Variants in NIPAL2 observed in about 807,000 individuals in gnomAD.
NIPAL2 encodes the protein NIPA like domain containing 2.
Under a neutral mutation model 48.9 loss-of-function variants are expected in NIPAL2, and 43 were observed. The ratio of observed to expected loss-of-function variants is 0.88; its 90% confidence interval spans 0.69 to 1.13. The LOEUF is 1.13. Ranked by LOEUF, NIPAL2 falls within the 50% of genes most tolerant of loss-of-function variation. The pLI is 0.00. For synonymous variants in NIPAL2, 167 were observed against 174.6 expected, an observed-to-expected ratio of 0.96 and a Z score of 0.34; for missense variants, 446 against 461.4, an observed-to-expected ratio of 0.97 and a Z score of 0.31.
At chr8:98,267,098 A>G (rs1814820477) in intron 1 of NIPAL2, among the ~76,000 whole-genome samples, 1 of 152,160 alleles carries the variant, frequency 6.6e-6, no homozygotes, top group Non-Finnish European at 1.5e-5. Flanking sequence ...TTATTGCAAC[A>G]TTCATTTTGT....
At chr8:98,232,460 G>A (rs1812483435) in intron 4 of NIPAL2, among the ~76,000 whole-genome samples, 1 of 152,186 alleles carries the variant, frequency 6.6e-6, no homozygotes, top group Admixed American at 6.5e-5. Context: ...GTAGAGTACA[G>A]TGGTGGGTGA....
At chr8:98,265,725 G>T (rs1028312349) in intron 1 of NIPAL2, among the ~76,000 whole-genome samples, 5 of 133,538 alleles carry the variant, frequency 3.7e-5, no homozygotes, top group African/African-American at 1.1e-4. Flanking sequence ...TCAGTGTGGC[G>T]ATTCCTCAGG....
At chr8:98,222,680 C>T (rs1230840260) in intron 4 of NIPAL2, 80 bp from the exon 5 acceptor site, 38 of 1,408,996 alleles carry the variant, frequency 2.7e-5, no homozygotes, top group Admixed American at 1.9e-4. Context: ...CTAGAGACTG[C>T]GCATTACTTG....
chr8:98,287,353 A>G (rs1168685660), intron 1 of NIPAL2, among the ~76,000 whole-genome samples: 2 of 152,224 alleles, frequency 1.3e-5, no homozygotes, highest in East Asian at 1.9e-4. Context: ...ACTTCGAGAT[A>G]TCAAGTGCTC....
intron 1 of NIPAL2, among the ~76,000 whole-genome samples, chr8:98,258,809 C>T (rs1814067668): frequency 6.6e-6 from 1 of 151,926 alleles, no homozygotes; most frequent in Non-Finnish European, 1.5e-5. Flanking sequence ...TTTGTTCTGA[C>T]CACAAGGCAT....
intron 1 of NIPAL2, among the ~76,000 whole-genome samples, chr8:98,285,922 T>C (rs1037334580): frequency 5.3e-5 from 8 of 152,126 alleles, no homozygotes; most frequent in Non-Finnish European, 8.8e-5. Flanking sequence ...GGTCAAGTGA[T>C]GAAATGGTTT....
Position 98,277,359 on chromosome 8 carries a change from T to A in NIPAL2, c.135+16644A>T, listed in dbSNP as rs371383619. ...GCCTGGCCAACATGATGAAACTCTG[T>A]CTCTACTATTAATAAAAAATACAAA... On this transcript the variant is annotated intron_variant, in intron 1 of 10. Coordinates refer to ENST00000430223, the MANE Select transcript of NIPAL2 (RefSeq NM_001321635.2). Among the ~76,000 whole-genome samples the A allele has an allele frequency of 3.3e-5, 5 of 152,032 alleles. No individual in the cohort carries two copies. In the South Asian group the frequency reaches 1.0e-3, roughly 32 times the overall value.
At chr8:98,198,796 G>A (rs1217781968) in intron 8 of NIPAL2, among the ~76,000 whole-genome samples, 1 of 152,164 alleles carries the variant, frequency 6.6e-6, no homozygotes, top group African/African-American at 2.4e-5. Context: ...TCTGGTTTAG[G>A]TGTTGGCTTA....
rs377357642 is a variant in NIPAL2, at chr8:98,226,547, C to G, written c.437-3947G>C. 7.9e-4 allele frequency among the ~76,000 whole-genome samples: 121 copies of G among 152,282 alleles called. 3 individuals carry two copies. The highest frequency in any genetic ancestry group is 3.4e-3 in the Middle Eastern group (1 of 294). ...AATTACCTGGATTAACAGGCAGAGA[C>G]TCTTGTTCTCTTCTCTTACTTTCTC... is the stretch of plus-strand genomic sequence containing the variant. On this transcript the variant is annotated intron_variant, in intron 4 of 10. Coordinates refer to ENST00000430223, the MANE Select transcript of NIPAL2 (RefSeq NM_001321635.2).
chr8:98,292,990 A>G (rs1563565623), intron 1 of NIPAL2, among the ~76,000 whole-genome samples: 1 of 152,192 alleles, frequency 6.6e-6, no homozygotes, highest in East Asian at 1.9e-4. Flanking sequence ...CCCCTCTTGA[A>G]AACTAATAAA....
rs1810310370 is a variant in NIPAL2, at chr8:98,191,682, G to A, written c.*1296C>T. Reference sequence around the variant, plus strand: ...AATGTCATTAAGGGTGGGACTTATTGTTGGATGTTGGCTGCAACGAAGGCT... The same window carrying A: ...AATGTCATTAAGGGTGGGACTTATTATTGGATGTTGGCTGCAACGAAGGCT... On this transcript the variant is annotated 3_prime_UTR_variant, in exon 11 of 11. Coordinates refer to ENST00000430223, the MANE Select transcript of NIPAL2 (RefSeq NM_001321635.2). 6.6e-6 allele frequency: 1 copy of A among 152,222 alleles called. No individual in the cohort carries two copies. The allele number at this position is 152,222 out of a possible 1,614,324, so 9.4% of individuals were successfully genotyped here. A position where few individuals can be genotyped will look rare whatever the true frequency, so the allele number is the denominator to read the frequency against.
At chr8:98,287,354 T>G (rs912032868) in intron 1 of NIPAL2, among the ~76,000 whole-genome samples, 1 of 152,150 alleles carries the variant, frequency 6.6e-6, no homozygotes, top group Non-Finnish European at 1.5e-5. Context: ...CTTCGAGATA[T>G]CAAGTGCTCC....
intron 6 of NIPAL2, among the ~76,000 whole-genome samples, chr8:98,209,507 ACT>A (rs1811210235): frequency 6.7e-6 from 1 of 149,764 alleles, no homozygotes; most frequent in Non-Finnish European, 1.5e-5. Flanking sequence ...AGTCCCAGCT[ACT>A]CAGGAGGCTG....
intron 4 of NIPAL2, among the ~76,000 whole-genome samples, chr8:98,228,183 A>G: frequency 6.6e-6 from 1 of 152,182 alleles, no homozygotes; most frequent in East Asian, 1.9e-4. Flanking sequence ...TGAAGTTAAC[A>G]CCAGGTACTG....
rs577715281 is a variant in NIPAL2, at chr8:98,198,201, A to G, written c.881-2196T>C. On this transcript the variant is annotated intron_variant, in intron 8 of 10. Transcript: ENST00000430223. ...CAAGAGCTCTTGGGTGATCAGGTTC[A>G]TTGACAATAAGCAGTAATATTTTGA... 2.0e-5 allele frequency among the ~76,000 whole-genome samples: 3 copies of G among 152,350 alleles called. No individual in the cohort carries two copies. In the South Asian group the frequency reaches 6.2e-4, roughly 32 times the overall value.
rs1810341150 is a variant in NIPAL2 at position 98,192,450 on chromosome 8, G to C, written c.*528C>G. On this transcript the variant is annotated 3_prime_UTR_variant, in exon 11 of 11. Transcript: ENST00000430223. ...CCCTTAATTTTCAAAGGAGGACTTT[G>C]ATAGCATTAGTTTTCAGAAAAGATG... 1 of 152,498 alleles carries C rather than the reference G, an allele frequency of 6.6e-6. No homozygotes were observed. Among genetic ancestry groups the C allele is most frequent in the Non-Finnish European group, 1.5e-5 (1 of 68,266 alleles). The allele number at this position is 152,498 out of a possible 1,614,324, so 9.4% of individuals were successfully genotyped here. A position where few individuals can be genotyped will look rare whatever the true frequency, so the allele number is the denominator to read the frequency against.
In NIPAL2 at chr8:98,280,761, TAGAG is replaced by T. The variant is rs1554578553; in HGVS notation, c.135+13238_135+13241del. On this transcript the variant is annotated intron_variant, in intron 1 of 10. Coordinates refer to ENST00000430223, the MANE Select transcript of NIPAL2 (RefSeq NM_001321635.2). The stretch of plus-strand genomic sequence containing the variant: ...CTATATATATATATATATATATATA[TAGAG>T]AGAGAGAGAGAGAGAGAGAGAGAGA... 8.6e-3 allele frequency among the ~76,000 whole-genome samples: 259 copies of T among 30,028 alleles called. 6 individuals are homozygous for T. The highest frequency in any genetic ancestry group is 0.025 in the African/African-American group (223 of 8,792). 19.7% of individuals were successfully genotyped at this position (30,028 alleles called of 152,430 possible).
chr8:98,235,039 C>T (rs575900779), intron 4 of NIPAL2, among the ~76,000 whole-genome samples: 39 of 152,120 alleles, frequency 2.6e-4, no homozygotes, highest in African/African-American at 9.2e-4. Context: ...CAGAATCAAA[C>T]CAAGGAGGAA....
At chr8:98,243,436 C>T (rs192260067) in intron 3 of NIPAL2, among the ~76,000 whole-genome samples, 4 of 152,236 alleles carry the variant, frequency 2.6e-5, no homozygotes, top group South Asian at 2.1e-4. Flanking sequence ...AGTCCCAGAG[C>T]GAGGTATGTG....
Sources: gnomAD v4.1 joint callset for allele counts (sites outside exome capture counted in the v4.1 genomes callset) on GRCh38, gnomAD v4.1.1 for gene constraint, MANE v1.5 for transcripts, NCBI Gene and HGNC (gene_info 2026-07-23, HGNC 2026-07-21) for gene names.